The following SDK1 variants were observed in gnomAD, a reference collection of about 807,000 sequenced individuals.
SDK1 encodes protein sidekick-1.
A neutral mutation model predicts 245.5 loss-of-function variants in SDK1; 157 were observed. That is an observed-to-expected ratio of 0.64 (90% CI 0.56 to 0.73). The LOEUF (loss-of-function observed/expected upper bound fraction) is 0.73, where lower values mean the gene tolerates loss of function less well. Among genes scored for constraint, SDK1 ranks in the 30% least tolerant of loss-of-function variants. The pLI, the probability that SDK1 is intolerant of heterozygous loss-of-function variation, is 0.00. For synonymous variants in SDK1, 1,647 were observed against 1,278.5 expected, an observed-to-expected ratio of 1.29 and a Z score of -6.15; for missense variants, 3,583 against 3,002.3, an observed-to-expected ratio of 1.19 and a Z score of -4.52.
chr7:3,523,346 C>T (rs1214514568), intron 1 of SDK1, among the ~76,000 whole-genome samples: 2 of 152,268 alleles, frequency 1.3e-5, no homozygotes, highest in Non-Finnish European at 2.9e-5. Context: ...TGGCATAGGG[C>T]TTCTAACCTA....
chr7:3,846,873 C>G (rs1199845699), intron 5 of SDK1, among the ~76,000 whole-genome samples: 2 of 152,086 alleles, frequency 1.3e-5, no homozygotes, highest in Non-Finnish European at 2.9e-5. Flanking sequence ...CTGGCTGCTG[C>G]TTGTCAGGTC....
intron 21 of SDK1, among the ~76,000 whole-genome samples, chr7:4,077,684 A>C (rs1217234200): frequency 6.6e-6 from 1 of 152,170 alleles, no homozygotes; most frequent in African/African-American, 2.4e-5. Flanking sequence ...GCAGCAGGCA[A>C]AGAGAGAGCC....
intron 14 of SDK1, among the ~76,000 whole-genome samples, chr7:4,005,793 G>A (rs189021913): frequency 6.6e-6 from 1 of 152,304 alleles, no homozygotes; most frequent in East Asian, 1.9e-4. Flanking sequence ...CACTTTGGGA[G>A]GCCAAGGCAG....
At chr7:3,571,172 T>A (rs1372384815) in intron 1 of SDK1, among the ~76,000 whole-genome samples, 1 of 152,108 alleles carries the variant, frequency 6.6e-6, no homozygotes, top group African/African-American at 2.4e-5. Flanking sequence ...TTTACTTAAA[T>A]GTAATAGCTG....
intron 1 of SDK1, among the ~76,000 whole-genome samples, chr7:3,402,868 C>T (rs935294636): frequency 4.6e-5 from 7 of 152,148 alleles, no homozygotes; most frequent in Non-Finnish European, 8.8e-5. Context: ...AATGTGATAG[C>T]TTCTGATTGA....
chr7:3,308,673 G>A (rs1020477984), intron 1 of SDK1, among the ~76,000 whole-genome samples: 2 of 152,048 alleles, frequency 1.3e-5, no homozygotes, highest in African/African-American at 2.4e-5. Flanking sequence ...AAATGGATAA[G>A]GCTAGGCTTT....
chr7:4,113,282 C>T lies in SDK1; in HGVS notation c.3435-7C>T. 1 of 1,610,662 alleles carries T rather than the reference C, an allele frequency of 6.2e-7. No homozygotes were observed. On this transcript the variant is annotated splice_region_variant and splice_polypyrimidine_tract_variant and intron_variant, in intron 23 of 44. Coordinates refer to ENST00000404826, the MANE Select transcript of SDK1 (RefSeq NM_152744.4). ...GCCGTGACTCTCATCAGTGGTTTTT[C>T]CTTTAGATTTCGAATGAAGCAAGTG...
At chr7:4,192,413 C>T (rs1237921441) in intron 35 of SDK1, among the ~76,000 whole-genome samples, 2 of 152,126 alleles carry the variant, frequency 1.3e-5, no homozygotes, top group African/African-American at 2.4e-5. Flanking sequence ...GTAGCTGGGA[C>T]TACAGGTGCC....
intron 5 of SDK1, among the ~76,000 whole-genome samples, chr7:3,882,423 CTCTTCAAGGGCTTTGCTCAT>C (rs1344772887): frequency 2.6e-5 from 4 of 152,216 alleles, no homozygotes; most frequent in African/African-American, 7.2e-5. Context: ...GCCCCTCTTT[CTCTTCAAGGGCTTTGCTCAT>C]TCTTCTCTCT....
At chr7:3,477,589 G>C (rs1270663067) in intron 1 of SDK1, among the ~76,000 whole-genome samples, 1 of 149,544 alleles carries the variant, frequency 6.7e-6, no homozygotes, top group South Asian at 2.1e-4. Context: ...GTCATAGCTC[G>C]CTGCAACCTC....
At chr7:4,240,678 G>A (rs1239062089) in intron 42 of SDK1, among the ~76,000 whole-genome samples, 1 of 152,182 alleles carries the variant, frequency 6.6e-6, no homozygotes, top group East Asian at 1.9e-4. Context: ...CTGGGGGCTG[G>A]CGGGACACTG....
chr7:4,145,726 C>T lies in SDK1; in HGVS notation c.4233C>T (p.Tyr1411=). ...TCCCATGTCACCTGCCTGCAGGGTA[C>T]CAGATTGCCTACCGCCTGGCCAGCA... The part of the protein sequence containing the change: ...PEEPNGIILG[Y]QIAYRLASSS... The change falls in exon 29 of 45, where the codon TAC becomes TAT. Residue 1411 remains tyrosine (Y), a synonymous_variant. Transcript: ENST00000404826. 2 of 1,603,700 alleles carry T rather than the reference C, an allele frequency of 1.2e-6. No individual in the cohort carries two copies. Among genetic ancestry groups the T allele is most frequent in the Non-Finnish European group, 1.7e-6 (2 of 1,174,900 alleles).
intron 5 of SDK1, among the ~76,000 whole-genome samples, chr7:3,901,903 G>A (rs61080392): frequency 0.053 from 8,137 of 152,130 alleles, 718 homozygotes; most frequent in African/African-American, 0.18. Context: ...TACTCATTTA[G>A]GTGTTAACAT....
chr7:3,529,209 G>A lies in SDK1; in HGVS notation c.299-89871G>A, dbSNP rs200136272. Among the ~76,000 whole-genome samples the A allele has an allele frequency of 5.9e-5, 9 of 152,224 alleles. No individual in the cohort carries two copies. The East Asian group carries it at 1.7e-3, about 29-fold the overall frequency. ...ATGTATATATAGGTGATAATATAGA[G>A]ACACACTCATATACACACCCAGAAG... On this transcript the variant is annotated intron_variant, in intron 1 of 44. Coordinates refer to ENST00000404826, the MANE Select transcript of SDK1 (RefSeq NM_152744.4).
chr7:4,136,700 T>C (rs1318918352), intron 28 of SDK1, among the ~76,000 whole-genome samples: 1 of 152,240 alleles, frequency 6.6e-6, no homozygotes, highest in Non-Finnish European at 1.5e-5. Flanking sequence ...TGATGATGCG[T>C]GAGCTCTTCA....
At chr7:3,799,393 C>A (rs116923194) in intron 4 of SDK1, among the ~76,000 whole-genome samples, 1 of 151,568 alleles carries the variant, frequency 6.6e-6, no homozygotes, top group African/African-American at 2.4e-5. Flanking sequence ...GTGTTGAAGG[C>A]ATACGAATAT....
chr7:3,988,578 C>A (rs953119033), intron 14 of SDK1, among the ~76,000 whole-genome samples: 1 of 152,132 alleles, frequency 6.6e-6, no homozygotes, highest in Admixed American at 6.5e-5. Flanking sequence ...TTTCTCCACA[C>A]CGGTCAGCCA....
intron 4 of SDK1, among the ~76,000 whole-genome samples, chr7:3,741,648 G>C (rs1779477033): frequency 6.6e-6 from 1 of 152,134 alleles, no homozygotes; most frequent in African/African-American, 2.4e-5. Flanking sequence ...TAAGCTAGGA[G>C]TGTATCATTT....
intron 25 of SDK1, among the ~76,000 whole-genome samples, chr7:4,116,028 A>G (rs1783683563): frequency 6.6e-6 from 1 of 152,124 alleles, no homozygotes; most frequent in Non-Finnish European, 1.5e-5. Context: ...GGGGGCTGCC[A>G]TCCTCAGGAC....
Sources: allele counts gnomAD v4.1 joint callset (sites outside exome capture counted in the v4.1 genomes callset), GRCh38; gene constraint gnomAD v4.1.1; transcripts MANE v1.5; gene names NCBI Gene and HGNC (gene_info 2026-07-23, HGNC 2026-07-21).